SLC8A1: variants seen among roughly 807,000 people sequenced by gnomAD.
SLC8A1 encodes the protein solute carrier family 8 member A1, also known as sodium/calcium exchanger 1.
In SLC8A1, 18 loss-of-function variants were observed where a neutral mutation model predicts 68.3. The ratio of observed to expected loss-of-function variants is 0.26; its 90% CI spans 0.18 to 0.39. The LOEUF is 0.39. SLC8A1 is among the 10% of genes least tolerant of loss of function. The pLI, the probability that SLC8A1 is intolerant of heterozygous loss-of-function variation, is 1.00. For synonymous variants in SLC8A1, 475 were observed against 415.5 expected (o/e 1.14, Z -1.74); for missense variants, 985 against 1,156.7 (o/e 0.85, Z 2.15).
intron 1 of SLC8A1, among the ~76,000 whole-genome samples, chr2:40,436,223 T>G (rs1699389648): frequency 6.6e-6 from 1 of 152,154 alleles, no homozygotes; most frequent in South Asian, 2.1e-4. Context: ...GCCTGGCACT[T>G]AGAAGATGCA....
intron 2 of SLC8A1, among the ~76,000 whole-genome samples, chr2:40,209,526 A>G (rs1160374469): frequency 1.3e-5 from 2 of 152,092 alleles, no homozygotes; most frequent in African/African-American, 4.8e-5. Flanking sequence ...GAGGATTTTG[A>G]GCAGAGAAGG....
chr2:40,490,863 G>C (rs912666589), intron 1 of SLC8A1, among the ~76,000 whole-genome samples: 5 of 151,972 alleles, frequency 3.3e-5, no homozygotes, highest in Non-Finnish European at 5.9e-5. Context: ...ATATTATAGA[G>C]AATCATATGC....
chr2:40,299,210 C>T (rs999539082), intron 2 of SLC8A1, among the ~76,000 whole-genome samples: 2 of 152,148 alleles, frequency 1.3e-5, no homozygotes, highest in African/African-American at 4.8e-5. Context: ...CTCTGTGACT[C>T]TGTGTCACAA....
Position 40,200,255 on chromosome 2 carries a change from TATATA to T in SLC8A1, c.1809-22405_1809-22401del, listed in dbSNP as rs1233739468. Among the ~76,000 whole-genome samples, 19 of 83,680 alleles carry T rather than the reference TATATA, an allele frequency of 2.3e-4. 1 individual carries two copies. Among genetic ancestry groups the T allele is most frequent in the African/African-American group, 8.3e-4 (18 of 21,598 alleles). The allele number at this position is 83,680 out of a possible 152,430, so 54.9% of individuals were successfully genotyped here. A position where few individuals can be genotyped will look rare whatever the true frequency, so the allele number is the denominator to read the frequency against. ...ATATATATAAATATATATATATATATATATATATATATAACCTCTTTTAGTAATTT... is the reference window on the plus strand; with the variant it reads ...ATATATATAAATATATATATATATATTATATATAACCTCTTTTAGTAATTT... On this transcript the variant is annotated intron_variant, in intron 2 of 7. Transcript: ENST00000406785.
Position 40,484,416 on chromosome 2 carries a change from C to A in SLC8A1, c.-25+27933G>T, listed in dbSNP as rs537799121. 5.3e-5 allele frequency among the ~76,000 whole-genome samples: 8 copies of A among 152,322 alleles called. No individual in the cohort carries two copies. In the South Asian group the frequency reaches 6.2e-4, roughly 12 times the overall value. On this transcript the variant is annotated intron_variant, in intron 1 of 7. Coordinates refer to the SLC8A1 transcript ENST00000402441. ...TCCTTGTTTCTACCCATGCTCCAAG[C>A]CTGCTGCTCCACTCTTCTCAGGGAT...
chr2:40,389,737 G>C (rs907765398), intron 2 of SLC8A1, among the ~76,000 whole-genome samples: 1 of 151,540 alleles, frequency 6.6e-6, no homozygotes, highest in African/African-American at 2.4e-5. Flanking sequence ...GGAAGCAAAA[G>C]AAAGTTTAAA....
intron 2 of SLC8A1, among the ~76,000 whole-genome samples, chr2:40,333,544 A>G (rs2076657129): frequency 6.6e-6 from 1 of 152,088 alleles, no homozygotes; most frequent in East Asian, 1.9e-4. Context: ...AAAAATCTGA[A>G]TTCTATTCAT....
At chr2:40,238,103 C>T (rs1041328415) in intron 2 of SLC8A1, among the ~76,000 whole-genome samples, 1 of 152,230 alleles carries the variant, frequency 6.6e-6, no homozygotes, top group Non-Finnish European at 1.5e-5. Context: ...CAGAGGCAGG[C>T]AGGCCTCCTT....
intron 2 of SLC8A1, among the ~76,000 whole-genome samples, chr2:40,225,487 T>G (rs190627504): frequency 1.3e-5 from 2 of 152,204 alleles, no homozygotes; most frequent in East Asian, 3.9e-4. Context: ...TTTTTTTCTT[T>G]AAACAAAAGA....
chr2:40,251,217 A>T (rs2062695892), intron 2 of SLC8A1: 1 of 152,236 alleles, frequency 6.6e-6, no homozygotes, highest in Non-Finnish European at 1.5e-5. Context: ...TGAGGTAGAT[A>T]AGCTTCAGAC....
At chr2:40,446,070 G>T (rs79507886) in intron 1 of SLC8A1, among the ~76,000 whole-genome samples, 2,164 of 152,314 alleles carry the variant, frequency 0.014, 53 homozygotes, top group African/African-American at 0.049. Context: ...GGAAGCTAGA[G>T]AAGTTCCAGA....
intron 2 of SLC8A1, among the ~76,000 whole-genome samples, chr2:40,289,049 A>C (rs1286832632): frequency 6.6e-6 from 1 of 151,678 alleles, no homozygotes; most frequent in East Asian, 1.9e-4. Flanking sequence ...TGTTCTATAA[A>C]CCATATTAGT....
intron 2 of SLC8A1, among the ~76,000 whole-genome samples, chr2:40,238,361 C>T (rs1400763238): frequency 2.0e-5 from 3 of 152,276 alleles, no homozygotes; most frequent in East Asian, 1.9e-4. Flanking sequence ...GGGAGTGACC[C>T]GATTTTCCAG....
At chr2:40,473,363 A>G (rs1298248403) in intron 1 of SLC8A1, among the ~76,000 whole-genome samples, 1 of 152,136 alleles carries the variant, frequency 6.6e-6, no homozygotes, top group Non-Finnish European at 1.5e-5. Context: ...TTCTGGGAAT[A>G]TCCATCCCTC....
chr2:40,337,867 T>A (rs1666482450), intron 2 of SLC8A1, among the ~76,000 whole-genome samples: 1 of 152,170 alleles, frequency 6.6e-6, no homozygotes, highest in Non-Finnish European at 1.5e-5. Flanking sequence ...CAGTTCTACC[T>A]ACTATTTAAT....
At chr2:40,464,819 A>G (rs931207236) in intron 1 of SLC8A1, among the ~76,000 whole-genome samples, 2 of 152,186 alleles carry the variant, frequency 1.3e-5, no homozygotes, top group African/African-American at 4.8e-5. Flanking sequence ...AAGTTCCCCC[A>G]GTGCCTGGAG....
Position 40,405,528 on chromosome 2 carries a change from C to A in SLC8A1, c.1808+22945G>T, listed in dbSNP as rs141712286. ...CGACTAACTAGAATTCTTGGGAGAT[C>A]CCATGCCACAATTCATTTTCCAATT... On this transcript the variant is annotated intron_variant, in intron 2 of 7. Coordinates refer to ENST00000406785, the Ensembl canonical transcript of SLC8A1. 3.9e-3 allele frequency among the ~76,000 whole-genome samples: 588 copies of A among 152,316 alleles called. 17 individuals are homozygous for A. Among genetic ancestry groups the A allele is most frequent in the Admixed American group, 0.036 (547 of 15,290 alleles).
At chr2:40,177,017 T>G (rs2048590700) in intron 3 of SLC8A1, among the ~76,000 whole-genome samples, 1 of 149,546 alleles carries the variant, frequency 6.7e-6, no homozygotes, top group Non-Finnish European at 1.5e-5. Context: ...ATCGGCATAA[T>G]CTAGTTATAA....
chr2:40,248,439 C>G (rs1350910056), intron 2 of SLC8A1, among the ~76,000 whole-genome samples: 1 of 152,114 alleles, frequency 6.6e-6, no homozygotes, highest in Admixed American at 6.5e-5. Context: ...ATCACACCAC[C>G]TGCAGGCACA....
Sources: allele counts gnomAD v4.1 joint callset (sites outside exome capture counted in the v4.1 genomes callset), GRCh38; gene constraint gnomAD v4.1.1; transcripts MANE v1.5; gene names NCBI Gene and HGNC (gene_info 2026-07-23, HGNC 2026-07-21).